Variants in PACRG observed in about 807,000 individuals in gnomAD.
PACRG encodes parkin coregulated gene protein.
A neutral mutation model predicts 29.7 loss-of-function variants in PACRG; 29 were observed. That is an observed-to-expected ratio of 0.98 (90% CI 0.73 to 1.33). The LOEUF (loss-of-function observed/expected upper bound fraction) is 1.33, where lower values mean the gene tolerates loss of function less well. PACRG is among the 40% of genes most tolerant of loss of function. PACRG has a pLI of 0.00. For missense variants in PACRG, 279 were observed against 316.2 expected (o/e 0.88, Z 0.89); for synonymous variants, 116 against 118.7 (o/e 0.98, Z 0.15).
At chr6:163,149,735 C>T (rs1380786164) in intron 4 of PACRG, among the ~76,000 whole-genome samples, 1 of 152,166 alleles carries the variant, frequency 6.6e-6, no homozygotes, top group African/African-American at 2.4e-5. Flanking sequence ...AAGCTGTCTC[C>T]CCCGACCCCG....
intron 4 of PACRG, chr6:163,090,401 A>C (rs922841180): frequency 1.3e-4 from 20 of 152,306 alleles, no homozygotes; most frequent in African/African-American, 4.8e-4. Context: ...AAAGGACTTC[A>C]AACTGGAGTT....
At chr6:163,267,781 A>G (rs1290359106) in intron 4 of PACRG, among the ~76,000 whole-genome samples, 2 of 152,216 alleles carry the variant, frequency 1.3e-5, no homozygotes, top group African/African-American at 4.8e-5. Context: ...TAAGCAAGGA[A>G]ACTCCCATAC....
chr6:162,761,118 C>T (rs955881365), intron 1 of PACRG, among the ~76,000 whole-genome samples: 4 of 152,096 alleles, frequency 2.6e-5, no homozygotes, highest in East Asian at 1.9e-4. Context: ...CAGCCCGCCT[C>T]GTGTGATTAG....
At chr6:163,200,372 C>T (rs1780645558) in intron 4 of PACRG, among the ~76,000 whole-genome samples, 2 of 152,130 alleles carry the variant, frequency 1.3e-5, no homozygotes, top group African/African-American at 2.4e-5. Context: ...TGCACACACA[C>T]AGCACACTTG....
chr6:163,001,388 C>T (rs1804575763), intron 2 of PACRG, among the ~76,000 whole-genome samples: 1 of 152,142 alleles, frequency 6.6e-6, no homozygotes, highest in Admixed American at 6.5e-5. Flanking sequence ...TTATGTATCT[C>T]CCAGTCCTAG....
chr6:162,994,250 G>C (rs1473289098), intron 2 of PACRG, among the ~76,000 whole-genome samples: 2 of 144,896 alleles, frequency 1.4e-5, no homozygotes. Flanking sequence ...GAGTATCTTT[G>C]TGGCGTTCTC....
At position 163,079,986 on chromosome 6, in the gene PACRG, C is replaced by A. The variant is rs530111797; in HGVS notation, c.464-9273C>A. On this transcript the variant is annotated intron_variant, in intron 3 of 4. Transcript: ENST00000366888. ...GGTCTCGGCTCACTGCAACCTCTGC[C>A]TCCCGGGTGCATTCCATTCTCCTGC... Among the ~76,000 whole-genome samples, 3 of 145,910 alleles carry A rather than the reference C, an allele frequency of 2.1e-5. No homozygotes were observed. The South Asian group carries it at 6.7e-4, about 32-fold the overall frequency.
At chr6:163,188,470 C>A (rs1037641874) in intron 4 of PACRG, among the ~76,000 whole-genome samples, 1 of 152,128 alleles carries the variant, frequency 6.6e-6, no homozygotes, top group Non-Finnish European at 1.5e-5. Context: ...TGACGTGATG[C>A]CTTTGTGAGT....
intron 2 of PACRG, among the ~76,000 whole-genome samples, chr6:162,886,130 G>T (rs1280350497): frequency 6.6e-6 from 1 of 152,064 alleles, no homozygotes; most frequent in African/African-American, 2.4e-5. Context: ...TCGCCATTTT[G>T]TGCAGGCTGA....
rs1270182953 is a variant in PACRG at position 163,269,778 on chromosome 6, C to A, written c.614-45049C>A. The stretch of plus-strand genomic sequence containing the variant: ...AGAGAGAGAGAGACAGACAGACAGA[C>A]AGACAGAAAGAAAGAAAGGAAGGAA... On this transcript the variant is annotated intron_variant, in intron 4 of 4. Transcript: ENST00000366888. Among the ~76,000 whole-genome samples the A allele has an allele frequency of 5.5e-3, 511 of 92,076 alleles. 31 individuals are homozygous for A. The highest frequency in any genetic ancestry group is 0.021 in the African/African-American group (481 of 22,764). The allele number at this position is 92,076 out of a possible 152,430, so 60.4% of individuals were successfully genotyped here.
At chr6:162,947,637 T>TATAATC in intron 2 of PACRG, among the ~76,000 whole-genome samples, 1 of 80,958 alleles carries the variant, frequency 1.2e-5, no homozygotes, top group Middle Eastern at 9.3e-3. Flanking sequence ...TATATATATA[T>TATAATC]ATATATATAT....
At position 162,996,611 on chromosome 6, in the gene PACRG, T is replaced by C. The variant is rs79120367; in HGVS notation, c.292-65539T>C. Among the ~76,000 whole-genome samples the C allele has an allele frequency of 6.7e-3, 1,027 of 152,236 alleles. 13 individuals carry two copies. Among genetic ancestry groups the C allele is most frequent in the African/African-American group, 0.024 (989 of 41,548 alleles). On this transcript the variant is annotated intron_variant, in intron 2 of 4. Coordinates refer to ENST00000366888, the MANE Select transcript of PACRG (RefSeq NM_001080379.2). ...TATTATATAACAATTTAAAATAATA[T>C]ATTAACAAAATGAAGTACTCATGCC... is the stretch of plus-strand genomic sequence containing the variant.
intron 2 of PACRG, among the ~76,000 whole-genome samples, chr6:162,881,065 TG>T (rs1338947551): frequency 6.6e-6 from 1 of 152,230 alleles, no homozygotes; most frequent in Non-Finnish European, 1.5e-5. Context: ...ACAGTGATGC[TG>T]GCAATGGTAT....
chr6:163,081,888 A>G (rs1813119870), intron 3 of PACRG, among the ~76,000 whole-genome samples: 1 of 152,218 alleles, frequency 6.6e-6, no homozygotes, highest in Non-Finnish European at 1.5e-5. Context: ...CTATAATGCT[A>G]TATTTTCTTT....
intron 4 of PACRG, among the ~76,000 whole-genome samples, chr6:163,251,836 C>T (rs1782916331): frequency 6.6e-6 from 1 of 152,118 alleles, no homozygotes. Context: ...TACTGGGGGC[C>T]GTGGGGCCTG....
intron 4 of PACRG, among the ~76,000 whole-genome samples, chr6:163,212,024 C>T (rs931823502): frequency 6.6e-6 from 1 of 151,978 alleles, no homozygotes; most frequent in African/African-American, 2.4e-5. Flanking sequence ...CAAGTGGGAT[C>T]AGAATACCAG....
intron 2 of PACRG, among the ~76,000 whole-genome samples, chr6:162,883,684 C>CTGTGTG (rs144543802): frequency 0.059 from 8,543 of 145,722 alleles, 480 homozygotes; most frequent in East Asian, 0.3. Context: ...TTTTCAAAAA[C>CTGTGTG]TGTGTGTGTG....
chr6:162,817,679 A>G (rs1015919940), intron 2 of PACRG, among the ~76,000 whole-genome samples: 22 of 152,304 alleles, frequency 1.4e-4, no homozygotes, highest in African/African-American at 5.3e-4. Context: ...ATTAATTTTA[A>G]TTTAAATAGC....
chr6:163,133,781 C>T (rs1816826437), intron 4 of PACRG, among the ~76,000 whole-genome samples: 1 of 152,122 alleles, frequency 6.6e-6, no homozygotes, highest in Non-Finnish European at 1.5e-5. Flanking sequence ...TCTCAATTTG[C>T]CATAGTGTTT....
Sources: gnomAD v4.1 joint callset for allele counts (sites outside exome capture counted in the v4.1 genomes callset) on GRCh38, gnomAD v4.1.1 for gene constraint, MANE v1.5 for transcripts, NCBI Gene and HGNC (gene_info 2026-07-23, HGNC 2026-07-21) for gene names.